The following BRIP1 variants were observed in gnomAD, a reference collection of about 807,000 sequenced individuals.
BRIP1 encodes the protein BRCA1 interacting DNA helicase 1.
In BRIP1, 88 loss-of-function variants were observed where a neutral mutation model predicts 119.7. The ratio of observed to expected loss-of-function variants is 0.74; its 90% CI spans 0.62 to 0.88. BRIP1 has a LOEUF of 0.88. BRIP1 is among the 40% of genes least tolerant of loss of function. BRIP1 has a pLI of 0.00. For synonymous variants in BRIP1, 443 were observed against 496.5 expected (o/e 0.89, Z 1.43); for missense variants, 1,259 against 1,455.4 (o/e 0.87, Z 2.20).
chr17:61,771,391 C>T (rs527903239), intron 14 of BRIP1, among the ~76,000 whole-genome samples: 8 of 152,136 alleles, frequency 5.3e-5, no homozygotes, highest in South Asian at 2.1e-4. Context: ...TGCAAAAATG[C>T]GCAAAGAATT....
chr17:61,780,543 T>C lies in BRIP1; in HGVS notation c.1795-142A>G, dbSNP rs2077601447. On this transcript the variant is annotated intron_variant, in intron 12 of 19. Transcript: ENST00000259008. This position sits in a 1 kb window ranked among gnomAD's most constrained non-coding sequence, Gnocchi z 5.4. ...AGGAGTCTGAGACCAGCCTGGGCAA[T>C]ATGGTGAAACCCCGTCTCTACAAAA... 6.2e-6 allele frequency: 5 copies of C among 800,666 alleles called. No individual in the cohort carries two copies. Among genetic ancestry groups the C allele is most frequent in the Non-Finnish European group, 1.0e-5 (5 of 485,756 alleles). 49.6% of individuals were successfully genotyped at this position (800,666 alleles called of 1,614,324 possible).
intron 6 of BRIP1, among the ~76,000 whole-genome samples, chr17:61,826,746 A>C (rs1280788804): frequency 3.9e-4 from 59 of 150,132 alleles, no homozygotes; most frequent in African/African-American, 1.2e-3. Flanking sequence ...AAAAAAAAAA[A>C]AAAAAAAAAA....
intron 16 of BRIP1, among the ~76,000 whole-genome samples, chr17:61,737,215 C>A (rs2076930376): frequency 6.6e-6 from 1 of 152,134 alleles, no homozygotes; most frequent in South Asian, 2.1e-4. Context: ...AAAGTAAGTC[C>A]TTTCCTATCA....
Position 61,831,142 on chromosome 17 carries a change from G to C in BRIP1, c.627+15959C>G, listed in dbSNP as rs951658601. Among the ~76,000 whole-genome samples, 3 of 152,200 alleles carry C rather than the reference G, an allele frequency of 2.0e-5. No individual in the cohort carries two copies. The highest frequency in any genetic ancestry group is 4.4e-5 in the Non-Finnish European group (3 of 68,038). On this transcript the variant is annotated intron_variant, in intron 6 of 19. Transcript: ENST00000259008. This position sits in a 1 kb window ranked among gnomAD's most constrained non-coding sequence, Gnocchi z 4.1. The stretch of plus-strand genomic sequence containing the variant: ...CTTCTTTAGCCTGACAAAGGGCATA[G>C]ACAGAACACCTAGCACAAATGTCAT...
intron 18 of BRIP1, among the ~76,000 whole-genome samples, chr17:61,692,745 A>C (rs971646670): frequency 1.3e-5 from 2 of 152,204 alleles, no homozygotes; most frequent in Non-Finnish European, 2.9e-5. Context: ...GAGGATATGG[A>C]GAAACTGGAA....
Position 61,736,385 on chromosome 17 carries a change from G to A in BRIP1, c.2379+6628C>T, listed in dbSNP as rs2076919017. On this transcript the variant is annotated intron_variant, in intron 16 of 19. Coordinates refer to ENST00000259008, the MANE Select transcript of BRIP1 (RefSeq NM_032043.3). The surrounding 1 kb of genome is among the most constrained non-coding windows in gnomAD (Gnocchi z 4.4). Reference sequence around the variant, plus strand: ...TAATAAAAGAGGGATAGCTAATATAGTCAATATAAGATACTCCCTCCACTT... The same window carrying A: ...TAATAAAAGAGGGATAGCTAATATAATCAATATAAGATACTCCCTCCACTT... Among the ~76,000 whole-genome samples, 1 of 151,848 alleles carries A rather than the reference G, an allele frequency of 6.6e-6. No individual in the cohort carries two copies. Among genetic ancestry groups the A allele is most frequent in the Non-Finnish European group, 1.5e-5 (1 of 67,926 alleles).
rs1294768591 is a variant in BRIP1 at position 61,701,191 on chromosome 17, G to A, written c.2493-7679C>T. 6.6e-6 allele frequency among the ~76,000 whole-genome samples: 1 copy of A among 151,940 alleles called. No individual in the cohort carries two copies. Among genetic ancestry groups the A allele is most frequent in the Non-Finnish European group, 1.5e-5 (1 of 67,960 alleles). On this transcript the variant is annotated intron_variant, in intron 17 of 19. Transcript: ENST00000259008. This position sits in a 1 kb window ranked among gnomAD's most constrained non-coding sequence, Gnocchi z 5.1. The stretch of plus-strand genomic sequence containing the variant: ...GAGTTTCTATTATTTTTTTCTCTTA[G>A]TTATACTTTCTTTGTTATGTGTCAT...
At chr17:61,783,298 C>T (rs2077651440) in intron 11 of BRIP1, among the ~76,000 whole-genome samples, 1 of 152,036 alleles carries the variant, frequency 6.6e-6, no homozygotes, top group South Asian at 2.1e-4. Flanking sequence ...ATAAGCCAGA[C>T]ACAAAAAGAC....
rs57246896 is a variant in BRIP1 at position 61,725,122 on chromosome 17, A to AGTGT, written c.2380-9063_2380-9060dup. ...AGATTTCTGACACAGTTAACCAAAT[A>AGTGT]GTGTGTGTGTGTGTGTGTGTGTGTA... is the stretch of plus-strand genomic sequence containing the variant. On this transcript the variant is annotated intron_variant, in intron 16 of 19. Transcript: ENST00000259008. The surrounding 1 kb of genome is among the most constrained non-coding windows in gnomAD (Gnocchi z 5.3). Among the ~76,000 whole-genome samples, 810 of 151,362 alleles carry AGTGT rather than the reference A, an allele frequency of 5.4e-3. 6 individuals are homozygous for AGTGT. Among genetic ancestry groups the AGTGT allele is most frequent in the African/African-American group, 0.019 (768 of 41,296 alleles).
At position 61,832,076 on chromosome 17, in the gene BRIP1, G is replaced by T. The variant is rs544705031; in HGVS notation, c.627+15025C>A. On this transcript the variant is annotated intron_variant, in intron 6 of 19. Transcript: ENST00000259008. This position sits in a 1 kb window ranked among gnomAD's most constrained non-coding sequence, Gnocchi z 5.5. ...GCAAAACTAACTCCCAGAACACAGC[G>T]TTCAAATGTTATTTTTCACTAAATG... is the stretch of plus-strand genomic sequence containing the variant. Among the ~76,000 whole-genome samples the T allele has an allele frequency of 6.6e-6, 1 of 152,136 alleles. No homozygotes were observed. The highest frequency in any genetic ancestry group is 6.5e-5 in the Admixed American group (1 of 15,282).
chr17:61,742,992 C>A lies in BRIP1; in HGVS notation c.2379+21G>T. On this transcript the variant is annotated intron_variant, in intron 16 of 19. Transcript: ENST00000259008. The surrounding 1 kb of genome is among the most constrained non-coding windows in gnomAD (Gnocchi z 4.7). The stretch of plus-strand genomic sequence containing the variant: ...ACCAATGACTCCTGTAATAATAAAA[C>A]TTAAGGTTTTGATGGCCTACCTGTA... The A allele has an allele frequency of 6.2e-7, 1 of 1,613,100 alleles. No homozygotes were observed. The highest frequency in any genetic ancestry group is 1.1e-5 in the South Asian group (1 of 91,032).
intron 17 of BRIP1, among the ~76,000 whole-genome samples, chr17:61,707,885 C>T (rs1179124296): frequency 4.0e-5 from 6 of 148,884 alleles, no homozygotes; most frequent in African/African-American, 1.2e-4. Context: ...CTCATTCTGT[C>T]GCCCAGGCTG....
intron 17 of BRIP1, among the ~76,000 whole-genome samples, chr17:61,696,252 A>G (rs1343088613): frequency 6.6e-6 from 1 of 150,882 alleles, no homozygotes; most frequent in Non-Finnish European, 1.5e-5. Context: ...TCTTCTTTTA[A>G]TATGGTGTAT....
In BRIP1 at chr17:61,719,679, C is replaced by G. The variant is rs555752700; in HGVS notation, c.2380-3616G>C. ...GGCGGAGGTTGCAGTGAGCCAAGAT[C>G]GCACCACTGCACTCCAGCCTGGGTG... On this transcript the variant is annotated intron_variant, in intron 16 of 19. Coordinates refer to ENST00000259008, the MANE Select transcript of BRIP1 (RefSeq NM_032043.3). Among the ~76,000 whole-genome samples the G allele has an allele frequency of 3.3e-5, 5 of 150,588 alleles. No homozygotes were observed. The East Asian group carries it at 9.8e-4, about 29-fold the overall frequency.
Position 61,736,557 on chromosome 17 carries a change from AT to A in BRIP1, c.2379+6455del. On this transcript the variant is annotated intron_variant, in intron 16 of 19. Transcript: ENST00000259008. This position sits in a 1 kb window ranked among gnomAD's most constrained non-coding sequence, Gnocchi z 4.4. ...ATCACTGTTTACTACCATCCTGTTC[AT>A]TATTATCTAATGATTACTATCATTT... 6.6e-6 allele frequency among the ~76,000 whole-genome samples: 1 copy of A among 152,232 alleles called. No individual in the cohort carries two copies. Among genetic ancestry groups the A allele is most frequent in the Middle Eastern group, 3.4e-3 (1 of 294 alleles).
rs1555609353 is a variant in BRIP1, at chr17:61,808,726, GAAC to G, written c.656_658del (p.Cys219del). ...CTCTTGACTGTTTCCTTGTTTAGTA[GAAC>G]AACAGCACCTAGAACAGTGGCCAGG... On this transcript the variant is annotated inframe_deletion, in exon 7 of 20. Coordinates refer to ENST00000259008, the MANE Select transcript of BRIP1 (RefSeq NM_032043.3). This position sits in a 1 kb window ranked among gnomAD's most constrained non-coding sequence, Gnocchi z 4.1. 6.2e-7 allele frequency: 1 copy of G among 1,613,530 alleles called. No homozygotes were observed. Among genetic ancestry groups the G allele is most frequent in the African/African-American group, 1.3e-5 (1 of 74,990 alleles).
rs1176146081 is a variant in BRIP1 at position 61,824,407 on chromosome 17, A to G, written c.628-15650T>C. On this transcript the variant is annotated intron_variant, in intron 6 of 19. Transcript: ENST00000259008. This position sits in a 1 kb window ranked among gnomAD's most constrained non-coding sequence, Gnocchi z 4.3. ...GGAGGTCTCACATTTTCTGATTTCT[A>G]AACTTACTACAAAGCTACAGTAAGA... 6.6e-6 allele frequency among the ~76,000 whole-genome samples: 1 copy of G among 152,264 alleles called. No homozygotes were observed. The highest frequency in any genetic ancestry group is 6.5e-5 in the Admixed American group (1 of 15,288).
chr17:61,782,860 T>A (rs1366608535), intron 11 of BRIP1, among the ~76,000 whole-genome samples: 1 of 152,194 alleles, frequency 6.6e-6, no homozygotes, highest in Non-Finnish European at 1.5e-5. Flanking sequence ...ATAACGAGTG[T>A]CAGCAAAAAC....
chr17:61,811,461 G>A (rs1364399012), intron 6 of BRIP1, among the ~76,000 whole-genome samples: 1 of 151,798 alleles, frequency 6.6e-6, no homozygotes, highest in East Asian at 2.0e-4. Context: ...GAAATCAGGT[G>A]ATCCGCCTGC....
Sources: gnomAD v4.1 joint callset for allele counts (sites outside exome capture counted in the v4.1 genomes callset) on GRCh38, gnomAD v4.1.1 for gene constraint, Gnocchi (gnomAD v3.1) non-coding constraint, MANE v1.5 for transcripts, NCBI Gene and HGNC (gene_info 2026-07-23, HGNC 2026-07-21) for gene names.